MEGF10: variants seen among roughly 807,000 people sequenced by gnomAD.
MEGF10 encodes the protein multiple epidermal growth factor-like domains protein 10.
In MEGF10, 86 loss-of-function variants were observed where a neutral mutation model predicts 147.5. That is an observed-to-expected ratio of 0.58 (90% CI 0.49 to 0.70). The LOEUF (loss-of-function observed/expected upper bound fraction) is 0.70. Among genes scored for constraint, MEGF10 ranks in the 30% least tolerant of loss-of-function variants. MEGF10 has a pLI of 0.00. For synonymous variants in MEGF10, 478 were observed against 525.5 expected, an observed-to-expected ratio of 0.91 and a Z score of 1.24; for missense variants, 1,329 against 1,487.3, an observed-to-expected ratio of 0.89 and a Z score of 1.75.
intron 5 of MEGF10, among the ~76,000 whole-genome samples, chr5:127,391,311 C>T (rs1015683589): frequency 6.6e-6 from 1 of 151,900 alleles, no homozygotes; most frequent in African/African-American, 2.4e-5. Flanking sequence ...TGCAGCAGCT[C>T]ATTCCTGTAA....
At chr5:127,408,587 G>A (rs1274191247) in intron 8 of MEGF10, among the ~76,000 whole-genome samples, 1 of 152,146 alleles carries the variant, frequency 6.6e-6, no homozygotes, top group Non-Finnish European at 1.5e-5. Context: ...TAACTTTTAG[G>A]CACACGTTTT....
At chr5:127,232,199 TAATC>T in the MEGF10 span, among the ~76,000 whole-genome samples, 1 of 152,356 alleles carries the variant, frequency 6.6e-6, no homozygotes, top group Middle Eastern at 3.4e-3. Flanking sequence ...AAAAAGGAAA[TAATC>T]AAAGCATATG....
intron 4 of MEGF10, among the ~76,000 whole-genome samples, chr5:127,341,911 G>T (rs1024018805): frequency 6.6e-6 from 1 of 152,006 alleles, no homozygotes; most frequent in African/African-American, 2.4e-5. Context: ...TTAAATAATT[G>T]TTCATATCCT....
chr5:127,273,773 T>C, the MEGF10 span, among the ~76,000 whole-genome samples: 1 of 152,208 alleles, frequency 6.6e-6, no homozygotes, highest in African/African-American at 2.4e-5. Context: ...TCGTAAACTA[T>C]ATTTGGAAGG....
chr5:127,358,951 CTCTT>C (rs1387278991), intron 4 of MEGF10, among the ~76,000 whole-genome samples: 1 of 152,116 alleles, frequency 6.6e-6, no homozygotes, highest in Admixed American at 6.5e-5. Flanking sequence ...AAGCTAAAAA[CTCTT>C]TCTGTTTTCA....
intron 1 of MEGF10, among the ~76,000 whole-genome samples, chr5:127,330,837 A>T (rs6862045): frequency 0.029 from 4,341 of 152,254 alleles, 112 homozygotes; most frequent in East Asian, 0.11. Context: ...TGAATCTCAG[A>T]TTGAGCCTGA....
At chr5:127,301,476 G>T (rs1207250312) in intron 1 of MEGF10, among the ~76,000 whole-genome samples, 1 of 152,010 alleles carries the variant, frequency 6.6e-6, no homozygotes, top group Non-Finnish European at 1.5e-5. Flanking sequence ...TACTAAATGT[G>T]TACCCTTCAT....
At chr5:127,336,095 TTAAC>T (rs1309523203) in intron 2 of MEGF10, among the ~76,000 whole-genome samples, 2 of 147,728 alleles carry the variant, frequency 1.4e-5, no homozygotes, top group Non-Finnish European at 3.0e-5. Flanking sequence ...ATACAGTAAT[TTAAC>T]TATAGTTAAA....
intron 1 of MEGF10, among the ~76,000 whole-genome samples, chr5:127,322,436 C>G (rs1349298925): frequency 6.6e-6 from 1 of 152,158 alleles, no homozygotes; most frequent in Non-Finnish European, 1.5e-5. Context: ...TTCTTAAAGA[C>G]CTTTTCTGTG....
intron 4 of MEGF10, among the ~76,000 whole-genome samples, chr5:127,347,324 A>G (rs76388836): frequency 0.035 from 5,286 of 152,102 alleles, 248 homozygotes; most frequent in Middle Eastern, 0.11. Context: ...TAAAATTGCT[A>G]TTTATTTAAA....
the MEGF10 span, among the ~76,000 whole-genome samples, chr5:127,264,804 A>C: frequency 6.6e-6 from 1 of 152,176 alleles, no homozygotes; most frequent in East Asian, 1.9e-4. Context: ...CTCTTTTTTA[A>C]AATTTCCAAC....
chr5:127,332,388 A>T (rs1238676582), intron 2 of MEGF10, among the ~76,000 whole-genome samples: 10 of 152,210 alleles, frequency 6.6e-5, no homozygotes, highest in Admixed American at 6.5e-4. Context: ...GATCTTCAGC[A>T]CCATGATTAG....
At chr5:127,287,293 T>G (rs534055343), upstream of MEGF10, among the ~76,000 whole-genome samples, 93 of 151,942 alleles carry the variant, frequency 6.1e-4, no homozygotes, top group African/African-American at 2.2e-3. Context: ...TCCAGTGAAA[T>G]AAGGCAAGAC....
At chr5:127,444,295 C>A (rs1313695967) in intron 19 of MEGF10, 1 of 152,196 alleles carries the variant, frequency 6.6e-6, no homozygotes, top group Non-Finnish European at 1.5e-5. Context: ...CATTTAATTT[C>A]TTTGGTAAAA....
rs1425998769 is a variant in MEGF10 at position 127,420,061 on chromosome 5, T to C, written c.1444T>C (p.Cys482Arg). 1 of 1,614,196 alleles carries C rather than the reference T, an allele frequency of 6.2e-7. No individual in the cohort carries two copies. Among genetic ancestry groups the C allele is most frequent in the East Asian group, 2.2e-5 (1 of 44,884 alleles). The change falls in exon 12 of 25, where the codon TGC (cysteine) becomes CGC (arginine). Residue 482 changes from cysteine (C) to arginine (R), a missense_variant. Physicochemically the swap from Cys to Arg is radical, Grantham distance 180 (BLOSUM62 -3). Around this residue, in one of 3 missense-constraint regions of MEGF10, gnomAD observed 980 missense variants for 1,085.9 expected, o/e 0.90. Coordinates refer to ENST00000503335, the MANE Select transcript of MEGF10 (RefSeq NM_001256545.2). The stretch of plus-strand genomic sequence containing the variant: ...TCGCACAGGCTGGCACGGGGTGGAC[T>C]GCTCCATCAGATGTCCCAGTGGCAC... Reference protein sequence around the residue: ...TCKAGWHGVDCSIRCPSGTWG... With the variant: ...TCKAGWHGVDRSIRCPSGTWG...
intron 1 of MEGF10, among the ~76,000 whole-genome samples, chr5:127,323,619 TTAAACA>T (rs1760880866): frequency 6.6e-6 from 1 of 152,246 alleles, no homozygotes; most frequent in Admixed American, 6.5e-5. Context: ...TATGACATAC[TTAAACA>T]TAGGCATATT....
chr5:127,242,269 C>T, the MEGF10 span, among the ~76,000 whole-genome samples: 2 of 152,204 alleles, frequency 1.3e-5, no homozygotes, highest in East Asian at 3.9e-4. Context: ...AAGATAGCAC[C>T]AGTACTAGAA....
At chr5:127,365,209 A>G (rs988360201) in intron 4 of MEGF10, among the ~76,000 whole-genome samples, 2 of 152,182 alleles carry the variant, frequency 1.3e-5, no homozygotes, top group Non-Finnish European at 2.9e-5. Flanking sequence ...TTGATTCTGA[A>G]AACATTTTCC....
upstream of MEGF10, among the ~76,000 whole-genome samples, chr5:127,286,804 T>C (rs1460723951): frequency 6.6e-6 from 1 of 151,964 alleles, no homozygotes; most frequent in Non-Finnish European, 1.5e-5. Flanking sequence ...ATCCTTTGAA[T>C]TGATTTTTAA....
Sources: gnomAD v4.1 joint callset for allele counts (sites outside exome capture counted in the v4.1 genomes callset) on GRCh38, gnomAD v4.1.1 for gene constraint, gnomAD v4.1.1 regional missense constraint, MANE v1.5 for transcripts, NCBI Gene and HGNC (gene_info 2026-07-23, HGNC 2026-07-21) for gene names.